Variants in MCC observed in about 807,000 individuals in gnomAD.
The protein encoded by MCC is colorectal mutant cancer protein.
Under a neutral mutation model 116.2 loss-of-function variants are expected in MCC, and 90 were observed. The ratio of observed to expected loss-of-function variants is 0.77; its 90% CI spans 0.65 to 0.92. The LOEUF is 0.92. MCC is among the 40% of genes least tolerant of loss of function. MCC has a pLI of 0.00. For synonymous variants in MCC, 578 were observed against 510.5 expected (o/e 1.13, Z -1.78); for missense variants, 1,516 against 1,312.2 (o/e 1.16, Z -2.40).
At chr5:113,353,160 T>G (rs1269501349) in intron 2 of MCC, among the ~76,000 whole-genome samples, 2 of 152,142 alleles carry the variant, frequency 1.3e-5, no homozygotes, top group Admixed American at 6.6e-5. Context: ...CACGTGCTGT[T>G]TTTGTGCTGG....
intron 3 of MCC, among the ~76,000 whole-genome samples, chr5:113,262,328 C>A (rs1321162302): frequency 2.6e-5 from 4 of 152,020 alleles, no homozygotes; most frequent in Non-Finnish European, 5.9e-5. Context: ...GAAAAAAAAA[C>A]AAGCGAAACC....
Position 113,122,558 on chromosome 5 carries a change from G to T in MCC, c.1027+126C>A. ...ATGTGTAAGGGACTGAAATACATGT[G>T]ACTTCATCCACTCAGCAAACCCCTT... On this transcript the variant is annotated intron_variant, in intron 6 of 18. Transcript: ENST00000408903. 10 of 1,026,958 alleles carry T rather than the reference G, an allele frequency of 9.7e-6. No homozygotes were observed. In the South Asian group the frequency reaches 1.5e-4, roughly 15 times the overall value. The allele number at this position is 1,026,958 out of a possible 1,614,324, so 63.6% of individuals were successfully genotyped here.
intron 3 of MCC, among the ~76,000 whole-genome samples, chr5:113,267,141 G>T (rs948535750): frequency 6.6e-6 from 1 of 152,144 alleles, no homozygotes; most frequent in Non-Finnish European, 1.5e-5. Flanking sequence ...GTTCTCTGCA[G>T]CTCTTTCCTT....
In MCC at chr5:113,434,192, G is replaced by A. The variant is rs749111387; in HGVS notation, c.171-48980C>T. On this transcript the variant is annotated intron_variant, in intron 1 of 18. Coordinates refer to ENST00000408903, the MANE Select transcript of MCC (RefSeq NM_001085377.2). This position sits in a 1 kb window ranked among gnomAD's most constrained non-coding sequence, Gnocchi z 4.2. ...GCATCTTCTTGATGTTGGAGTCGTCGTAGGGCATGGAGCCGCAGACCATGA... is the reference window on the plus strand; with the variant it reads ...GCATCTTCTTGATGTTGGAGTCGTCATAGGGCATGGAGCCGCAGACCATGA... The A allele has an allele frequency of 1.4e-5, 23 of 1,614,150 alleles. No individual in the cohort carries two copies. The highest frequency in any genetic ancestry group is 8.3e-5 in the Admixed American group (5 of 60,032).
At chr5:113,461,994 A>G (rs1010079649) in intron 1 of MCC, among the ~76,000 whole-genome samples, 3 of 152,244 alleles carry the variant, frequency 2.0e-5, no homozygotes, top group African/African-American at 4.8e-5. Flanking sequence ...CTGTGAATGT[A>G]AGTCTGACTG....
intron 4 of MCC, among the ~76,000 whole-genome samples, chr5:113,147,161 T>C (rs1759573484): frequency 6.6e-6 from 1 of 152,250 alleles, no homozygotes; most frequent in African/African-American, 2.4e-5. Context: ...ATATAAATAC[T>C]TGTGTCTAGC....
intron 12 of MCC, among the ~76,000 whole-genome samples, chr5:113,069,498 C>A (rs6860122): frequency 0.021 from 3,225 of 152,372 alleles, 92 homozygotes; most frequent in African/African-American, 0.066. Flanking sequence ...AAGAAAGTAA[C>A]TGTCTAGCTT....
chr5:113,362,242 G>A (rs1195178542), intron 2 of MCC, among the ~76,000 whole-genome samples: 1 of 152,134 alleles, frequency 6.6e-6, no homozygotes, highest in African/African-American at 2.4e-5. Flanking sequence ...GGCCAGGCTG[G>A]TCTCGAACTC....
chr5:113,240,126 G>A (rs566865510), intron 3 of MCC, among the ~76,000 whole-genome samples: 9 of 152,134 alleles, frequency 5.9e-5, no homozygotes, highest in South Asian at 2.1e-4. Context: ...CTGTCATGTC[G>A]GTCTCTCCCA....
intron 1 of MCC, among the ~76,000 whole-genome samples, chr5:113,472,657 A>T (rs57873991): frequency 0.034 from 5,134 of 152,362 alleles, 136 homozygotes; most frequent in African/African-American, 0.073. Flanking sequence ...ATTGATTGTG[A>T]ATAGCAAATT....
intron 6 of MCC, among the ~76,000 whole-genome samples, chr5:113,104,856 T>C (rs1475592702): frequency 6.6e-6 from 1 of 152,176 alleles, no homozygotes; most frequent in Non-Finnish European, 1.5e-5. Flanking sequence ...ATAGAACCAA[T>C]CAATATGCTC....
At chr5:113,106,714 C>CTTG (rs2150258272) in intron 6 of MCC, among the ~76,000 whole-genome samples, 1 of 152,224 alleles carries the variant, frequency 6.6e-6, no homozygotes, top group East Asian at 1.9e-4. Flanking sequence ...TACACATGAC[C>CTTG]ACAATCAGCT....
intron 1 of MCC, among the ~76,000 whole-genome samples, chr5:113,421,761 C>T (rs1376286076): frequency 6.6e-6 from 1 of 152,150 alleles, no homozygotes; most frequent in Non-Finnish European, 1.5e-5. Flanking sequence ...GATCTAGCTG[C>T]TGACTCCTTC....
intron 2 of MCC, among the ~76,000 whole-genome samples, chr5:113,374,217 GT>G (rs533640371): frequency 8.6e-5 from 11 of 127,658 alleles, no homozygotes; most frequent in East Asian, 4.3e-4. Context: ...TTTTTTTTTT[GT>G]TTTTTTTTTT....
intron 3 of MCC, among the ~76,000 whole-genome samples, chr5:113,232,029 A>G (rs1231445096): frequency 6.6e-6 from 1 of 152,202 alleles, no homozygotes; most frequent in East Asian, 1.9e-4. Context: ...AAACTATGAA[A>G]TACAATTGCC....
rs942881577 is a variant in MCC at position 113,050,569 on chromosome 5, C to A, written c.2449-1270G>T. Among the ~76,000 whole-genome samples, 5 of 152,322 alleles carry A rather than the reference C, an allele frequency of 3.3e-5. No homozygotes were observed. In the East Asian group the frequency reaches 9.6e-4, roughly 29 times the overall value. ...ACTCAGAACATGCCAACCTTCTTTA[C>A]CCTAAATATCAGACATAAAAGCCAG... On this transcript the variant is annotated intron_variant, in intron 15 of 18. Coordinates refer to ENST00000408903, the MANE Select transcript of MCC (RefSeq NM_001085377.2).
At chr5:113,047,422 TCTTGTCTTGGCTCCTCAG>T (rs1445931685) in intron 16 of MCC, among the ~76,000 whole-genome samples, 1 of 152,206 alleles carries the variant, frequency 6.6e-6, no homozygotes, top group Non-Finnish European at 1.5e-5. Flanking sequence ...CACAGCTGTG[TCTTGTCTTGGCTCCTCAG>T]CAAGTGGGAG....
intron 14 of MCC, among the ~76,000 whole-genome samples, chr5:113,063,160 G>A (rs1753339914): frequency 6.6e-6 from 1 of 152,176 alleles, no homozygotes. Flanking sequence ...TTCACGATTT[G>A]GCAATTAAGT....
intron 5 of MCC, among the ~76,000 whole-genome samples, chr5:113,134,004 A>C (rs1010327169): frequency 6.6e-6 from 1 of 152,184 alleles, no homozygotes; most frequent in Non-Finnish European, 1.5e-5. Context: ...ACAGTGTGCA[A>C]ATATTGTCTC....
Sources: allele counts gnomAD v4.1 joint callset (sites outside exome capture counted in the v4.1 genomes callset), GRCh38; gene constraint gnomAD v4.1.1; non-coding constraint Gnocchi (gnomAD v3.1); transcripts MANE v1.5; gene names NCBI Gene and HGNC (gene_info 2026-07-23, HGNC 2026-07-21).